Variants in BDP1 observed in about 807,000 individuals in gnomAD.
The protein encoded by BDP1 is BDP1 general transcription factor IIIB subunit.
BDP1 carries 169 observed loss-of-function variants against 266.6 expected under a neutral mutation model. That is an observed-to-expected ratio of 0.63 (90% CI 0.56 to 0.72). The LOEUF (loss-of-function observed/expected upper bound fraction) is 0.72, where lower values mean the gene tolerates loss of function less well. Among genes scored for constraint, BDP1 ranks in the 30% least tolerant of loss-of-function variants. The pLI is 0.00. For synonymous variants in BDP1, 1,090 were observed against 1,022.4 expected, an observed-to-expected ratio of 1.07 and a Z score of -1.26; for missense variants, 3,015 against 3,053.8, an observed-to-expected ratio of 0.99 and a Z score of 0.30.
chr5:71,487,617 G>A (rs983888607), intron 9 of BDP1, among the ~76,000 whole-genome samples: 2 of 152,210 alleles, frequency 1.3e-5, no homozygotes, highest in African/African-American at 2.4e-5. Context: ...CTCACAGTGT[G>A]TGTAGTGGCA....
intron 24 of BDP1, among the ~76,000 whole-genome samples, 192 bp from the exon 25 acceptor site, chr5:71,523,747 A>G (rs1163866570): frequency 6.6e-6 from 1 of 152,242 alleles, no homozygotes; most frequent in African/African-American, 2.4e-5. Context: ...GTAGATAACT[A>G]AGAATTAACT....
At chr5:71,537,149 C>CAAAAAA (rs70992979) in intron 26 of BDP1, among the ~76,000 whole-genome samples, 31 of 82,402 alleles carry the variant, frequency 3.8e-4, no homozygotes, top group Non-Finnish European at 5.4e-4. Context: ...ACCAAAAAAC[C>CAAAAAA]AAAAAAAAAA....
rs952987586 is a variant in BDP1, at chr5:71,534,887, C to T, written c.5892+2460C>T. On this transcript the variant is annotated intron_variant, in intron 26 of 38. Coordinates refer to ENST00000358731, the MANE Select transcript of BDP1 (RefSeq NM_018429.3). ...AACTCCTGATCTCAGGTGATCCACC[C>T]GCCTCTGCCTCCCACAGTGCTGGGA... is the stretch of plus-strand genomic sequence containing the variant. 3.9e-5 allele frequency among the ~76,000 whole-genome samples: 6 copies of T among 152,154 alleles called. No homozygotes were observed. In the East Asian group the frequency reaches 5.8e-4, roughly 15 times the overall value.
intron 25 of BDP1, 112 bp downstream of exon 25, chr5:71,524,435 CA>C: frequency 8.6e-7 from 1 of 1,166,370 alleles, no homozygotes; most frequent in South Asian, 1.7e-5. Context: ...TTGAAGAGTT[CA>C]TTCTCTAAAT....
intron 6 of BDP1, 50 bp downstream of exon 6, chr5:71,467,537 T>G: frequency 3.5e-6 from 5 of 1,442,792 alleles, no homozygotes; most frequent in Non-Finnish European, 4.8e-6. Flanking sequence ...TGAAATGAAT[T>G]GACTGTTTCT....
At chr5:71,551,102 T>C (rs1270523405) in intron 34 of BDP1, among the ~76,000 whole-genome samples, 1 of 7,866 alleles carries the variant, frequency 1.3e-4, no homozygotes. Context: ...TAGTTGTTTA[T>C]TTATTTATTT....
chr5:71,524,442 T>A, intron 25 of BDP1, 119 bp downstream of exon 25: 2 of 1,087,354 alleles, frequency 1.8e-6, no homozygotes, highest in Admixed American at 2.8e-5. Flanking sequence ...GTTCATTCTC[T>A]AAATAACCTC....
chr5:71,474,534 G>T (rs1014255885), intron 7 of BDP1, among the ~76,000 whole-genome samples: 1 of 151,882 alleles, frequency 6.6e-6, no homozygotes, highest in East Asian at 1.9e-4. Context: ...TTTTCATCAG[G>T]TTGCTCAGGT....
chr5:71,502,575 A>G, intron 14 of BDP1, 24 bp from the exon 15 acceptor site: 2 of 1,558,090 alleles, frequency 1.3e-6, no homozygotes, highest in Non-Finnish European at 1.7e-6. Context: ...AATAAACATT[A>G]ATTTTATTTC....
chr5:71,504,803 G>T, intron 16 of BDP1, 52 bp downstream of exon 16: 1 of 1,575,852 alleles, frequency 6.3e-7, no homozygotes, highest in Non-Finnish European at 8.7e-7. Context: ...AAAAGTTTTA[G>T]AACTCAATCA....
intron 22 of BDP1, among the ~76,000 whole-genome samples, chr5:71,517,738 T>C (rs1444878889): frequency 6.6e-6 from 1 of 152,152 alleles, no homozygotes; most frequent in African/African-American, 2.4e-5. Flanking sequence ...TTTTTAATAG[T>C]AGACAAAGAT....
intron 37 of BDP1, 151 bp from the exon 38 acceptor site, chr5:71,562,123 G>C: frequency 1.7e-6 from 1 of 592,118 alleles, no homozygotes; most frequent in South Asian, 2.3e-5. Flanking sequence ...TCTTGAACCT[G>C]GGAGGTGGAG....
At chr5:71,534,705 G>A (rs956613470) in intron 26 of BDP1, among the ~76,000 whole-genome samples, 7 of 151,856 alleles carry the variant, frequency 4.6e-5, no homozygotes, top group East Asian at 1.9e-4. Flanking sequence ...GCAATGGCGC[G>A]ATCTTGGCTC....
Position 71,479,176 on chromosome 5 carries a change from G to A in BDP1, c.1015-4666G>A, listed in dbSNP as rs540102506. On this transcript the variant is annotated intron_variant, in intron 7 of 38. Transcript: ENST00000358731. ...TCCTGCCTCAGCCTCCCGAGTAGCT[G>A]GGACCACAGGTGCCCGTCATGCGCC... Among the ~76,000 whole-genome samples the A allele has an allele frequency of 9.5e-4, 145 of 152,030 alleles. 2 individuals are homozygous for A. Among genetic ancestry groups the A allele is most frequent in the African/African-American group, 2.9e-3 (120 of 41,442 alleles).
At chr5:71,461,958 C>CAT in intron 3 of BDP1, 32 bp downstream of exon 3, 4 of 443,290 alleles carry the variant, frequency 9.0e-6, no homozygotes, top group Non-Finnish European at 1.5e-5. Context: ...TTTACTATCT[C>CAT]TTTTTTTTTT....
At chr5:71,550,740 T>C (rs1180617633) in intron 34 of BDP1, among the ~76,000 whole-genome samples, 1 of 152,206 alleles carries the variant, frequency 6.6e-6, no homozygotes, top group Non-Finnish European at 1.5e-5. Context: ...AGAATCTTGC[T>C]CTGTTGCCCA....
At chr5:71,479,030 TTTTTA>T (rs1238285786) in intron 7 of BDP1, among the ~76,000 whole-genome samples, 36 of 152,170 alleles carry the variant, frequency 2.4e-4, no homozygotes, top group South Asian at 2.1e-4. Context: ...TTTCACCTGG[TTTTTA>T]TTTTATTTTA....
At chr5:71,573,933 G>A in the BDP1 span, among the ~76,000 whole-genome samples, 31 of 152,336 alleles carry the variant, frequency 2.0e-4, no homozygotes, top group East Asian at 1.9e-4. Context: ...GCAGTGAAGC[G>A]TCAGATTCCT....
chr5:71,496,821 G>A (rs1370873983), intron 12 of BDP1, among the ~76,000 whole-genome samples: 1 of 152,206 alleles, frequency 6.6e-6, no homozygotes, highest in Non-Finnish European at 1.5e-5. Context: ...GACCTCAGGT[G>A]ATCCACCTGC....
Sources: allele counts gnomAD v4.1 joint callset (sites outside exome capture counted in the v4.1 genomes callset), GRCh38; gene constraint gnomAD v4.1.1; transcripts MANE v1.5; gene names NCBI Gene and HGNC (gene_info 2026-07-23, HGNC 2026-07-21).